Variants in CLDN10 observed in about 807,000 individuals in gnomAD.
The protein encoded by CLDN10 is claudin 10, also known as claudin-10.
A neutral mutation model predicts 22.9 loss-of-function variants in CLDN10; 15 were observed. The observed-to-expected ratio is 0.65, with a 90% CI of 0.44 to 1.01. The LOEUF is 1.01. CLDN10 is among the 50% of genes least tolerant of loss of function. The pLI, the probability that CLDN10 is intolerant of heterozygous loss-of-function variation, is 0.00. For synonymous variants in CLDN10, 114 were observed against 111.4 expected (o/e 1.02, Z -0.15); for missense variants, 247 against 287.8 (o/e 0.86, Z 1.03).
chr13:95,437,322 T>C (rs1421057785), intron 1 of CLDN10, among the ~76,000 whole-genome samples: 2 of 152,236 alleles, frequency 1.3e-5, no homozygotes, highest in South Asian at 2.1e-4. Context: ...TATTGGAGCC[T>C]GAAAGCTTGA....
chr13:95,534,717 A>G (rs1052325007), intron 1 of CLDN10, among the ~76,000 whole-genome samples: 4 of 152,228 alleles, frequency 2.6e-5, no homozygotes, highest in African/African-American at 9.6e-5. Context: ...ATTTAAAAAA[A>G]GGGGATTAAA....
intron 1 of CLDN10, among the ~76,000 whole-genome samples, chr13:95,471,512 G>C (rs1464426238): frequency 6.7e-6 from 1 of 148,534 alleles, no homozygotes; most frequent in Non-Finnish European, 1.5e-5. Context: ...GAGGGCAGTG[G>C]TGTGATCTTC....
chr13:95,555,966 A>G (rs2043633737), intron 1 of CLDN10, among the ~76,000 whole-genome samples: 1 of 152,176 alleles, frequency 6.6e-6, no homozygotes, highest in South Asian at 2.1e-4. Flanking sequence ...GAAGGGAGAG[A>G]GAAGGCTCGT....
At chr13:95,570,589 G>A (rs2043841149) in intron 3 of CLDN10, among the ~76,000 whole-genome samples, 1 of 151,996 alleles carries the variant, frequency 6.6e-6, no homozygotes, top group African/African-American at 2.4e-5. Context: ...AGAAGGGTGA[G>A]GTTTTGGAGT....
intron 1 of CLDN10, among the ~76,000 whole-genome samples, chr13:95,471,492 G>A (rs76038619): frequency 0.1 from 13,387 of 132,774 alleles, 823 homozygotes; most frequent in South Asian, 0.22. Flanking sequence ...TTGCTCTGTC[G>A]CCCAGGCTGG....
At chr13:95,447,754 T>A (rs2042394749) in intron 1 of CLDN10, among the ~76,000 whole-genome samples, 1 of 151,920 alleles carries the variant, frequency 6.6e-6, no homozygotes, top group Non-Finnish European at 1.5e-5. Context: ...TGTGTGTGTG[T>A]GTGTGTGTGT....
chr13:95,485,942 C>T (rs558700389), intron 1 of CLDN10, among the ~76,000 whole-genome samples: 1 of 152,280 alleles, frequency 6.6e-6, no homozygotes, highest in Non-Finnish European at 1.5e-5. Flanking sequence ...CAGAATATGC[C>T]AGATTCTGTT....
In CLDN10 at chr13:95,577,265, G is replaced by A. The variant is rs1346307710; in HGVS notation, c.499G>A (p.Ala167Thr). The change falls in exon 4 of 5, where the codon GCA (alanine) becomes ACA (threonine). Residue 167 changes from alanine to threonine, a missense_variant. By Grantham distance (58) the Ala-to-Thr change is moderately conservative. Coordinates refer to ENST00000299339, the MANE Select transcript of CLDN10 (RefSeq NM_006984.5). ...AGGAGCCGCTCTGTTTATTGGATGG[G>A]CAGGAGCCTCACTGTGCATAATTGG... is the stretch of plus-strand genomic sequence containing the variant. ...ELGAALFIGW[A>T]GASLCIIGGV... 2 of 1,613,948 alleles carry A rather than the reference G, an allele frequency of 1.2e-6. No individual in the cohort carries two copies. The highest frequency in any genetic ancestry group is 2.2e-5 in the East Asian group (1 of 44,882).
At position 95,579,665 on chromosome 13, in the gene CLDN10, AAAAG is replaced by A. The variant is rs1411641425; in HGVS notation, c.*1654_*1657del. On this transcript the variant is annotated 3_prime_UTR_variant, in exon 5 of 5. Transcript: ENST00000299339. ...TTCCTGAAGTGTGAAAGACTTAAAA[AAAAG>A]AATCACATTGTTCAGAGGTGCTCAA... is the stretch of plus-strand genomic sequence containing the variant. The A allele has an allele frequency of 6.6e-6, 1 of 152,256 alleles. No homozygotes were observed. Among genetic ancestry groups the A allele is most frequent in the Non-Finnish European group, 1.5e-5 (1 of 68,046 alleles). The allele number at this position is 152,256 out of a possible 1,614,324, so 9.4% of individuals were successfully genotyped here.
intron 1 of CLDN10, among the ~76,000 whole-genome samples, chr13:95,501,294 G>A (rs527519981): frequency 9.2e-5 from 14 of 152,184 alleles, no homozygotes; most frequent in South Asian, 4.2e-4. Flanking sequence ...GATTACAGGC[G>A]TGAGCCACCA....
intron 1 of CLDN10, among the ~76,000 whole-genome samples, chr13:95,542,825 TAAC>T (rs1341297279): frequency 6.6e-6 from 1 of 151,890 alleles, no homozygotes; most frequent in African/African-American, 2.4e-5. Flanking sequence ...GGAATAATAA[TAAC>T]AATAATAAAG....
intron 3 of CLDN10, among the ~76,000 whole-genome samples, chr13:95,562,585 C>G (rs759741995): frequency 1.3e-4 from 20 of 151,800 alleles, no homozygotes; most frequent in Admixed American, 2.6e-4. Context: ...AAATAAAAAC[C>G]AAGGCTGTAT....
At chr13:95,516,504 G>A (rs2043169330) in intron 1 of CLDN10, among the ~76,000 whole-genome samples, 1 of 149,112 alleles carries the variant, frequency 6.7e-6, no homozygotes, top group African/African-American at 2.5e-5. Context: ...ATGCTTTCAA[G>A]CTTTTTCTAT....
At chr13:95,530,929 CTTT>C (rs1269039220) in intron 1 of CLDN10, among the ~76,000 whole-genome samples, 4 of 141,712 alleles carry the variant, frequency 2.8e-5, no homozygotes, top group Non-Finnish European at 4.7e-5. Flanking sequence ...ATCATCTTTC[CTTT>C]TTTTTTTTTT....
At chr13:95,487,535 G>A (rs892380501) in intron 1 of CLDN10, among the ~76,000 whole-genome samples, 7 of 151,808 alleles carry the variant, frequency 4.6e-5, no homozygotes, top group African/African-American at 1.7e-4. Flanking sequence ...GTTTCATTAG[G>A]AAAAAAAGAA....
chr13:95,516,743 T>G (rs971303), intron 1 of CLDN10, among the ~76,000 whole-genome samples: 5 of 152,076 alleles, frequency 3.3e-5, no homozygotes, highest in African/African-American at 9.6e-5. Context: ...TGGATCTCTG[T>G]GTGTGCACAG....
At chr13:95,500,337 C>T (rs1360197832) in intron 1 of CLDN10, among the ~76,000 whole-genome samples, 1 of 152,124 alleles carries the variant, frequency 6.6e-6, no homozygotes, top group African/African-American at 2.4e-5. Flanking sequence ...CTGGGAAGTA[C>T]CTATTTAGCC....
chr13:95,442,393 G>A (rs972094279), intron 1 of CLDN10, among the ~76,000 whole-genome samples: 18 of 152,118 alleles, frequency 1.2e-4, no homozygotes, highest in African/African-American at 3.1e-4. Flanking sequence ...CCTTTGCTGC[G>A]TGTCTTGTCA....
chr13:95,451,205 T>C (rs1028737863), intron 1 of CLDN10, among the ~76,000 whole-genome samples: 4 of 152,256 alleles, frequency 2.6e-5, no homozygotes, highest in African/African-American at 9.6e-5. Flanking sequence ...AAAACAGTCC[T>C]GACTGTCCTT....
Sources: allele counts gnomAD v4.1 joint callset (sites outside exome capture counted in the v4.1 genomes callset), GRCh38; gene constraint gnomAD v4.1.1; transcripts MANE v1.5; gene names NCBI Gene and HGNC (gene_info 2026-07-23, HGNC 2026-07-21).